Variants in KLHL32 observed in about 807,000 individuals in gnomAD.
KLHL32 encodes kelch-like protein 32.
In KLHL32, 35 loss-of-function variants were observed where a neutral mutation model predicts 64.8. The ratio of observed to expected loss-of-function variants is 0.54; its 90% CI spans 0.41 to 0.72. The LOEUF is 0.72. KLHL32 is among the 30% of genes least tolerant of loss of function. The pLI, the probability that KLHL32 is intolerant of heterozygous loss-of-function variation, is 0.00. For synonymous variants in KLHL32, 259 were observed against 281.0 expected, an observed-to-expected ratio of 0.92 and a Z score of 0.78; for missense variants, 589 against 768.5, an observed-to-expected ratio of 0.77 and a Z score of 2.76.
intron 6 of KLHL32, among the ~76,000 whole-genome samples, chr6:97,101,452 A>G (rs1795715553): frequency 6.6e-6 from 1 of 152,222 alleles, no homozygotes; most frequent in Non-Finnish European, 1.5e-5. Flanking sequence ...ACGTTGATAT[A>G]CACTGATTAG....
intron 7 of KLHL32, among the ~76,000 whole-genome samples, chr6:97,118,384 C>G (rs1044826098): frequency 6.6e-6 from 1 of 152,018 alleles, no homozygotes; most frequent in Non-Finnish European, 1.5e-5. Flanking sequence ...TTTGGGAGGC[C>G]GAGGCGGGCG....
chr6:96,950,501 A>T (rs1046045626), intron 1 of KLHL32, among the ~76,000 whole-genome samples: 8 of 73,690 alleles, frequency 1.1e-4, no homozygotes, highest in Non-Finnish European at 2.6e-4. Context: ...TTGTCACGTT[A>T]AAAAAAAAAA....
intron 4 of KLHL32, among the ~76,000 whole-genome samples, chr6:97,057,562 C>T (rs930050357): frequency 1.4e-5 from 2 of 147,580 alleles, no homozygotes; most frequent in Non-Finnish European, 3.0e-5. Context: ...CCCCTCCCGC[C>T]CCCATTTCAA....
intron 4 of KLHL32, among the ~76,000 whole-genome samples, chr6:97,054,077 T>C (rs1167752751): frequency 6.6e-6 from 1 of 152,134 alleles, no homozygotes; most frequent in Non-Finnish European, 1.5e-5. Context: ...TTTACAATTC[T>C]AACTTAAGTT....
At chr6:97,025,158 G>T (rs1782541955) in intron 3 of KLHL32, 1 of 963,420 alleles carries the variant, frequency 1.0e-6, no homozygotes, top group African/African-American at 1.8e-5. Context: ...TTGGTATAAA[G>T]AATTATTGGA....
chr6:97,106,101 A>T (rs947497948), intron 6 of KLHL32, among the ~76,000 whole-genome samples: 2 of 152,198 alleles, frequency 1.3e-5, no homozygotes, highest in Non-Finnish European at 2.9e-5. Context: ...AGAATCAGGA[A>T]TTTTAGATAT....
At chr6:96,944,368 A>G (rs1254222455) in intron 1 of KLHL32, among the ~76,000 whole-genome samples, 1 of 152,200 alleles carries the variant, frequency 6.6e-6, no homozygotes, top group African/African-American at 2.4e-5. Flanking sequence ...CTCTAGTTTA[A>G]ACAGTTGTTT....
At chr6:97,028,648 C>G (rs1319395569) in intron 3 of KLHL32, among the ~76,000 whole-genome samples, 1 of 152,166 alleles carries the variant, frequency 6.6e-6, no homozygotes, top group South Asian at 2.1e-4. Context: ...TGTCAAAATT[C>G]AGGAAATCTA....
chr6:97,026,847 C>T (rs991956402), intron 3 of KLHL32, among the ~76,000 whole-genome samples: 7 of 152,044 alleles, frequency 4.6e-5, no homozygotes, highest in Non-Finnish European at 1.0e-4. Flanking sequence ...CTTCAACATT[C>T]TTCTAAAAAA....
intron 6 of KLHL32, among the ~76,000 whole-genome samples, chr6:97,106,423 C>G (rs1351105862): frequency 6.6e-6 from 1 of 152,058 alleles, no homozygotes; most frequent in Admixed American, 6.6e-5. Context: ...ATTTAGTTAA[C>G]AAGAAATAAT....
At chr6:97,067,316 G>A (rs1319574035) in intron 5 of KLHL32, among the ~76,000 whole-genome samples, 1 of 152,190 alleles carries the variant, frequency 6.6e-6, no homozygotes, top group Non-Finnish European at 1.5e-5. Context: ...CACATGGCAG[G>A]AGCAGTGCTC....
At chr6:97,050,475 C>T (rs778328745) in intron 4 of KLHL32, among the ~76,000 whole-genome samples, 2 of 152,076 alleles carry the variant, frequency 1.3e-5, no homozygotes, top group Non-Finnish European at 2.9e-5. Context: ...AAGGGCTACC[C>T]GCAGGTAGGG....
intron 7 of KLHL32, among the ~76,000 whole-genome samples, chr6:97,116,378 G>C (rs764155419): frequency 6.6e-6 from 1 of 152,012 alleles, no homozygotes; most frequent in Non-Finnish European, 1.5e-5. Flanking sequence ...CAGCAAATAA[G>C]TCTTTGCTAA....
chr6:96,901,481 T>C, the KLHL32 span, among the ~76,000 whole-genome samples: 1 of 152,316 alleles, frequency 6.6e-6, no homozygotes, highest in Admixed American at 6.5e-5. Flanking sequence ...TATGATTACA[T>C]TGGACCTGCG....
At position 96,966,973 on chromosome 6, in the gene KLHL32, T is replaced by A. The variant is rs1007160337; in HGVS notation, c.-65-23T>A. ...TTTCTGCATTTAGCTCAATGCACCC[T>A]TTTCTCTTGTCTTTTTATTCAGCTG... On this transcript the variant is annotated intron_variant, in intron 1 of 10. Coordinates refer to ENST00000369261, the MANE Select transcript of KLHL32 (RefSeq NM_052904.4). 7.9e-6 allele frequency: 10 copies of A among 1,263,990 alleles called. No individual in the cohort carries two copies. In the African/African-American group the frequency reaches 1.5e-4, roughly 19 times the overall value. 78.3% of individuals were successfully genotyped at this position (1,263,990 alleles called of 1,614,324 possible).
chr6:97,026,196 C>G (rs1285829301), intron 3 of KLHL32, among the ~76,000 whole-genome samples: 1 of 151,830 alleles, frequency 6.6e-6, no homozygotes, highest in East Asian at 1.9e-4. Flanking sequence ...TTTTGTTTCC[C>G]CATTTTTATA....
intron 10 of KLHL32, among the ~76,000 whole-genome samples, chr6:97,138,710 A>G (rs923057948): frequency 5.9e-5 from 9 of 152,148 alleles, no homozygotes; most frequent in African/African-American, 9.7e-5. Flanking sequence ...GATGTCATCA[A>G]TTTTCACAAC....
At chr6:96,984,989 A>C (rs955136287) in intron 3 of KLHL32, among the ~76,000 whole-genome samples, 2 of 147,962 alleles carry the variant, frequency 1.4e-5, no homozygotes, top group African/African-American at 5.0e-5. Context: ...ACAATTTGGC[A>C]TGTTTTTGCA....
chr6:96,908,073 T>A, the KLHL32 span, among the ~76,000 whole-genome samples: 1 of 152,320 alleles, frequency 6.6e-6, no homozygotes, highest in East Asian at 1.9e-4. Context: ...TACTCCTGTG[T>A]ACTGGTGTTG....
Sources: gnomAD v4.1 joint callset for allele counts (sites outside exome capture counted in the v4.1 genomes callset) on GRCh38, gnomAD v4.1.1 for gene constraint, MANE v1.5 for transcripts, NCBI Gene and HGNC (gene_info 2026-07-23, HGNC 2026-07-21) for gene names.